Variants in MAP3K2 observed in about 807,000 individuals in gnomAD.
MAP3K2 encodes MAP/ERK kinase kinase 2.
Under a neutral mutation model 80.3 loss-of-function variants are expected in MAP3K2, and 24 were observed. That is an observed-to-expected ratio of 0.30 (90% confidence interval 0.22 to 0.42). The LOEUF (loss-of-function observed/expected upper bound fraction) is 0.42. Ranked by LOEUF, MAP3K2 falls within the 10% of genes least tolerant of loss-of-function variation. The pLI is 1.00. For missense variants in MAP3K2, 608 were observed against 750.1 expected, an observed-to-expected ratio of 0.81 and a Z score of 2.21; for synonymous variants, 244 against 253.7, an observed-to-expected ratio of 0.96 and a Z score of 0.36.
intron 1 of MAP3K2, among the ~76,000 whole-genome samples, chr2:127,378,984 T>TG (rs1558992139): frequency 1.3e-4 from 14 of 104,618 alleles, no homozygotes; most frequent in Non-Finnish European, 1.3e-4. Flanking sequence ...TTTTGTTGTT[T>TG]TTTTTTTTTT....
At chr2:127,378,020 A>G (rs1173052718) in intron 1 of MAP3K2, 1 of 222,914 alleles carries the variant, frequency 4.5e-6, no homozygotes, top group Non-Finnish European at 7.5e-6. Flanking sequence ...CTGTGAGACA[A>G]AAAATATTTT....
intron 1 of MAP3K2, among the ~76,000 whole-genome samples, chr2:127,357,703 A>AT (rs1444649458): frequency 1.3e-5 from 2 of 152,106 alleles, no homozygotes; most frequent in Non-Finnish European, 2.9e-5. Context: ...TGACCAGTTA[A>AT]TTTTTTTTAA....
Position 127,342,979 on chromosome 2 carries a change from T to C in MAP3K2, c.4+147A>G, listed in dbSNP as rs961668762. 1.0e-5 allele frequency: 6 copies of C among 585,136 alleles called. No homozygotes were observed. The African/African-American group carries it at 1.1e-4, about 11-fold the overall frequency. 36.2% of individuals were successfully genotyped at this position (585,136 alleles called of 1,614,324 possible). A position where few individuals can be genotyped will look rare whatever the true frequency, so the allele number is the denominator to read the frequency against. On this transcript the variant is annotated intron_variant, in intron 2 of 16. Coordinates refer to ENST00000682094, the MANE Select transcript of MAP3K2 (RefSeq NM_001371910.2). ...AAAAAGTACTTTAATTCAAAGTCTATTAAGTAAATATAAAACATTTCATAA... is the reference window on the plus strand; with the variant it reads ...AAAAAGTACTTTAATTCAAAGTCTACTAAGTAAATATAAAACATTTCATAA...
rs1685578291 is a variant in MAP3K2, at chr2:127,300,839, G to GAA, written c.*6739_*6740insTT. On this transcript the variant is annotated 3_prime_UTR_variant, in exon 17 of 17. Coordinates refer to ENST00000682094, the MANE Select transcript of MAP3K2 (RefSeq NM_001371910.2). ...CTAGTCCTCTCTTCTTATTCCAGGT[G>GAA]GAAAAAATTCTTTGGAAAAGTAAGA... 3 of 151,976 alleles carry GAA rather than the reference G, an allele frequency of 2.0e-5. No individual in the cohort carries two copies. The highest frequency in any genetic ancestry group is 6.6e-5 in the Admixed American group (1 of 15,252). 9.4% of individuals were successfully genotyped at this position (151,976 alleles called of 1,614,324 possible). A position where few individuals can be genotyped will look rare whatever the true frequency, so the allele number is the denominator to read the frequency against.
At chr2:127,329,548 G>A (rs1422614712) in intron 7 of MAP3K2, among the ~76,000 whole-genome samples, 2 of 151,950 alleles carry the variant, frequency 1.3e-5, no homozygotes, top group Non-Finnish European at 2.9e-5. Flanking sequence ...GTAGAGATGG[G>A]GTTTCACCAT....
rs763006627 is a variant in MAP3K2, at chr2:127,317,638, A to G, written c.1317T>C (p.Tyr439=). ...AGATGTACTAACTTACCCCTGGCAT[A>G]TATTCCATAAATATGGAAAGTGTTT... is the stretch of plus-strand genomic sequence containing the variant. ...QEKTLSIFME[Y]MPGGSIKDQL... Residue 439 remains tyrosine, a synonymous_variant, in exon 14 of 17, where the codon TAT becomes TAC. Coordinates refer to ENST00000682094, the MANE Select transcript of MAP3K2 (RefSeq NM_001371910.2). 4 of 1,570,684 alleles carry G rather than the reference A, an allele frequency of 2.5e-6. No individual in the cohort carries two copies. The highest frequency in any genetic ancestry group is 2.7e-5 in the African/African-American group (2 of 74,020).
intron 13 of MAP3K2, 91 bp from the exon 14 acceptor site, chr2:127,317,851 G>T: frequency 8.3e-7 from 1 of 1,208,832 alleles, no homozygotes; most frequent in Non-Finnish European, 1.1e-6. Flanking sequence ...ATTTCATTCT[G>T]AAAATTTTAG....
At chr2:127,365,863 T>C (rs945004583) in intron 1 of MAP3K2, among the ~76,000 whole-genome samples, 8 of 152,226 alleles carry the variant, frequency 5.3e-5, no homozygotes, top group African/African-American at 1.2e-4. Flanking sequence ...TGAAGTCCTA[T>C]TCCTTTCCTA....
At chr2:127,353,915 T>C (rs1216763223) in intron 1 of MAP3K2, among the ~76,000 whole-genome samples, 1 of 151,674 alleles carries the variant, frequency 6.6e-6, no homozygotes, top group East Asian at 1.9e-4. Flanking sequence ...TTCTTCTGCC[T>C]TGGGATCCTG....
At chr2:127,365,694 T>C (rs1226564451) in intron 1 of MAP3K2, among the ~76,000 whole-genome samples, 2 of 150,926 alleles carry the variant, frequency 1.3e-5, no homozygotes, top group Admixed American at 6.6e-5. Context: ...CCAGCTCCAG[T>C]GTGTGGTCCC....
intron 1 of MAP3K2, among the ~76,000 whole-genome samples, chr2:127,345,839 C>T (rs1264693517): frequency 6.6e-6 from 1 of 151,790 alleles, no homozygotes; most frequent in African/African-American, 2.4e-5. Context: ...CACATCAAAA[C>T]AAAATGTATT....
In MAP3K2 at chr2:127,322,256, A is replaced by G; in HGVS notation, c.839-4T>C. ...GCTCTTGGAAAAGTTTTACGACCTAAAAAATGAAAAGAGAATGACCTTATA... is the reference window on the plus strand; with the variant it reads ...GCTCTTGGAAAAGTTTTACGACCTAGAAAATGAAAAGAGAATGACCTTATA... On this transcript the variant is annotated splice_region_variant and splice_polypyrimidine_tract_variant and intron_variant, in intron 11 of 16. Transcript: ENST00000682094. This position sits in a 1 kb window ranked among gnomAD's most constrained non-coding sequence, Gnocchi z 4.2. 1 of 1,592,998 alleles carries G rather than the reference A, an allele frequency of 6.3e-7. No individual in the cohort carries two copies. Among genetic ancestry groups the G allele is most frequent in the Non-Finnish European group, 8.6e-7 (1 of 1,161,422 alleles).
intron 1 of MAP3K2, among the ~76,000 whole-genome samples, chr2:127,366,640 G>C (rs1374832020): frequency 1.3e-5 from 2 of 151,982 alleles, no homozygotes; most frequent in African/African-American, 4.8e-5. Flanking sequence ...GGTTGCTACT[G>C]GGCATAAAGG....
intron 14 of MAP3K2, 86 bp downstream of exon 14, chr2:127,317,543 T>C (rs1164580691): frequency 1.3e-5 from 16 of 1,203,276 alleles, no homozygotes; most frequent in Non-Finnish European, 1.8e-5. Flanking sequence ...GGGTTAACAT[T>C]TTATAATCTA....
chr2:127,354,005 G>A (rs182032239), intron 1 of MAP3K2, among the ~76,000 whole-genome samples: 218 of 151,870 alleles, frequency 1.4e-3, no homozygotes, highest in African/African-American at 4.0e-3. Context: ...GATTAAGGGC[G>A]GTACAAGATG....
At chr2:127,357,499 T>C (rs544138237) in intron 1 of MAP3K2, among the ~76,000 whole-genome samples, 17 of 152,126 alleles carry the variant, frequency 1.1e-4, no homozygotes, top group African/African-American at 3.9e-4. Flanking sequence ...TACAGAAGAA[T>C]AGAACAGAAC....
chr2:127,332,415 T>C (rs1686278621), intron 5 of MAP3K2, among the ~76,000 whole-genome samples: 1 of 152,252 alleles, frequency 6.6e-6, no homozygotes, highest in African/African-American at 2.4e-5. Context: ...GAAAAAAATA[T>C]GAACATAAAT....
chr2:127,388,072 C>T (rs998853620), upstream of MAP3K2: 257 of 983,942 alleles, frequency 2.6e-4, no homozygotes, highest in Non-Finnish European at 3.0e-4. Context: ...CGCGCCCGGC[C>T]CAGGGGAGTG....
rs1686653737 is a variant in MAP3K2 at position 127,349,384 on chromosome 2, T to C, written c.-65-6190A>G. Among the ~76,000 whole-genome samples, 3 of 152,172 alleles carry C rather than the reference T, an allele frequency of 2.0e-5. No individual in the cohort carries two copies. In the South Asian group the frequency reaches 6.2e-4, roughly 32 times the overall value. ...TCTCACTGTGTTGCCCAGGCTGGTC[T>C]CAAACTCCTGGGCTCAAGCAATCCT... On this transcript the variant is annotated intron_variant, in intron 1 of 16. Coordinates refer to ENST00000682094, the MANE Select transcript of MAP3K2 (RefSeq NM_001371910.2).
Sources: allele counts gnomAD v4.1 joint callset (sites outside exome capture counted in the v4.1 genomes callset), GRCh38; gene constraint gnomAD v4.1.1; non-coding constraint Gnocchi (gnomAD v3.1); transcripts MANE v1.5; gene names NCBI Gene and HGNC (gene_info 2026-07-23, HGNC 2026-07-21).